Variants in KIF18A observed in about 807,000 individuals in gnomAD.
KIF18A encodes the protein kinesin-like protein KIF18A.
KIF18A carries 67 observed loss-of-function variants against 103.3 expected under a neutral mutation model. That is an observed-to-expected ratio of 0.65 (90% CI 0.53 to 0.79). The LOEUF is 0.79. Ranked by LOEUF, KIF18A falls within the 30% of genes least tolerant of loss-of-function variation. The pLI is 0.00. For missense variants in KIF18A, 1,032 were observed against 1,062.5 expected, an observed-to-expected ratio of 0.97 and a Z score of 0.40; for synonymous variants, 367 against 355.5, an observed-to-expected ratio of 1.03 and a Z score of -0.36.
chr11:28,100,750 G>T (rs1565092768), intron 1 of KIF18A, among the ~76,000 whole-genome samples: 1 of 152,018 alleles, frequency 6.6e-6, no homozygotes, highest in Non-Finnish European at 1.5e-5. Context: ...TTAGGACTCT[G>T]TCTTTGGCCA....
intron 14 of KIF18A, 103 bp from the exon 15 acceptor site, chr11:28,035,597 T>C (rs1020841853): frequency 1.8e-6 from 1 of 545,740 alleles, no homozygotes; most frequent in South Asian, 5.0e-5. Context: ...TTGGTATTAA[T>C]ATATAAAGAA....
intron 3 of KIF18A, among the ~76,000 whole-genome samples, chr11:28,094,065 T>C (rs1445615284): frequency 1.3e-5 from 2 of 152,182 alleles, no homozygotes; most frequent in Non-Finnish European, 2.9e-5. Flanking sequence ...TGTGTTACTG[T>C]CAGTGCATAA....
At chr11:28,096,876 CTCTCTCTT>C (rs1309602669) in intron 2 of KIF18A, among the ~76,000 whole-genome samples, 1 of 150,954 alleles carries the variant, frequency 6.6e-6, no homozygotes, top group Non-Finnish European at 1.5e-5. Context: ...CTCTCTCTCT[CTCTCTCTT>C]TTTTTTTTTT....
chr11:28,083,304 A>G, intron 7 of KIF18A, 61 bp from the exon 8 acceptor site: 5 of 1,461,424 alleles, frequency 3.4e-6, no homozygotes, highest in Middle Eastern at 1.9e-4. Context: ...AGATAAATAC[A>G]TGAATAACAT....
At chr11:28,083,844 C>T (rs962990054) in intron 7 of KIF18A, among the ~76,000 whole-genome samples, 1 of 151,908 alleles carries the variant, frequency 6.6e-6, no homozygotes. Flanking sequence ...TATAGTATGA[C>T]CTTTTACAAT....
At chr11:28,049,211 T>C (rs537809255) in intron 13 of KIF18A, among the ~76,000 whole-genome samples, 1 of 152,188 alleles carries the variant, frequency 6.6e-6, no homozygotes, top group Non-Finnish European at 1.5e-5. Context: ...TAAAACATAA[T>C]TGCTAAATGG....
Position 28,021,098 on chromosome 11 carries a change from ATGGG to A in KIF18A, c.*98_*101del. 8.9e-7 allele frequency: 1 copy of A among 1,128,658 alleles called. No homozygotes were observed. The highest frequency in any genetic ancestry group is 3.5e-5 in the East Asian group (1 of 28,798). The allele number at this position is 1,128,658 out of a possible 1,614,324, so 69.9% of individuals were successfully genotyped here. On this transcript the variant is annotated 3_prime_UTR_variant, in exon 17 of 17. Coordinates refer to ENST00000263181, the MANE Select transcript of KIF18A (RefSeq NM_031217.4). ...GTACTTGGGTAAACTTAGCTTTAAG[ATGGG>A]TCTTCTTTCAAAGATTTTAAATATA...
At position 28,078,661 on chromosome 11, in the gene KIF18A, G is replaced by A. The variant is rs567638298; in HGVS notation, c.1263-1492C>T. Among the ~76,000 whole-genome samples, 42 of 152,196 alleles carry A rather than the reference G, an allele frequency of 2.8e-4. No individual in the cohort carries two copies. In the South Asian group the frequency reaches 6.2e-3, roughly 23 times the overall value. On this transcript the variant is annotated intron_variant, in intron 9 of 16. Transcript: ENST00000263181. The stretch of plus-strand genomic sequence containing the variant: ...TAAACTCCACAATTTTCTTGGTATA[G>A]TCATAAGTGAAGTTTTATAATTACT...
intron 9 of KIF18A, among the ~76,000 whole-genome samples, chr11:28,080,397 T>C (rs1851150789): frequency 6.6e-6 from 1 of 151,552 alleles, no homozygotes; most frequent in Middle Eastern, 3.2e-3. Context: ...GCAATCTTGC[T>C]GTGAGCAAGT....
intron 13 of KIF18A, among the ~76,000 whole-genome samples, chr11:28,058,151 T>G (rs1850806211): frequency 6.6e-6 from 1 of 152,034 alleles, no homozygotes; most frequent in South Asian, 2.1e-4. Flanking sequence ...TATGTTAGCT[T>G]TGCAATTAAA....
chr11:28,023,646 G>T (rs577743377), intron 16 of KIF18A, 95 bp downstream of exon 16: 2 of 577,040 alleles, frequency 3.5e-6, no homozygotes, highest in East Asian at 5.9e-5. Context: ...ATGAATAAAG[G>T]GAGATTCTTA....
At chr11:28,047,056 GAAAAA>G (rs60204007) in intron 13 of KIF18A, among the ~76,000 whole-genome samples, 2 of 71,130 alleles carry the variant, frequency 2.8e-5, no homozygotes, top group Non-Finnish European at 2.4e-5. Context: ...CTTCGTCTCA[GAAAAA>G]AAAAAAAAAA....
intron 9 of KIF18A, among the ~76,000 whole-genome samples, chr11:28,079,187 A>T (rs900306467): frequency 6.6e-6 from 1 of 152,052 alleles, no homozygotes; most frequent in Non-Finnish European, 1.5e-5. Context: ...AAAGTTTACT[A>T]ATCTGTAAGG....
intron 2 of KIF18A, 163 bp downstream of exon 2, chr11:28,097,459 AT>A (rs2133565740): frequency 1.6e-6 from 1 of 616,876 alleles, no homozygotes; most frequent in East Asian, 2.7e-5. Flanking sequence ...GATAACTAAA[AT>A]TTCAAAGTCT....
intron 10 of KIF18A, among the ~76,000 whole-genome samples, chr11:28,070,367 A>T (rs1340036246): frequency 2.6e-5 from 4 of 152,242 alleles, no homozygotes; most frequent in African/African-American, 9.6e-5. Context: ...AGAGGATATG[A>T]GCTTATAAAT....
chr11:28,071,680 G>A (rs555482469), intron 10 of KIF18A, among the ~76,000 whole-genome samples: 1 of 151,804 alleles, frequency 6.6e-6, no homozygotes, highest in Non-Finnish European at 1.5e-5. Context: ...AGCAGAAAGG[G>A]GTCCTGAAAC....
At chr11:28,077,649 T>C (rs552312169) in intron 9 of KIF18A, among the ~76,000 whole-genome samples, 16 of 152,284 alleles carry the variant, frequency 1.1e-4, no homozygotes, top group African/African-American at 3.1e-4. Context: ...AATCATATGG[T>C]GCCTCCATGG....
At chr11:28,034,402 C>T (rs17244282) in intron 15 of KIF18A, among the ~76,000 whole-genome samples, 4,342 of 151,818 alleles carry the variant, frequency 0.029, 123 homozygotes, top group Admixed American at 0.067. Context: ...TTCAGACTTT[C>T]AAGAACTGGC....
At chr11:28,038,587 A>C (rs1370142158) in intron 13 of KIF18A, among the ~76,000 whole-genome samples, 1 of 151,762 alleles carries the variant, frequency 6.6e-6, no homozygotes, top group East Asian at 1.9e-4. Flanking sequence ...CATTTCAATA[A>C]AGCAATTCAA....
Sources: gnomAD v4.1 joint callset for allele counts (sites outside exome capture counted in the v4.1 genomes callset) on GRCh38, gnomAD v4.1.1 for gene constraint, MANE v1.5 for transcripts, NCBI Gene and HGNC (gene_info 2026-07-23, HGNC 2026-07-21) for gene names.